TBPL1: variants seen among roughly 807,000 people sequenced by gnomAD.
The protein encoded by TBPL1 is TATA-box binding protein like 1.
In TBPL1, 4 loss-of-function variants were observed where a neutral mutation model predicts 22.1. The ratio of observed to expected loss-of-function variants is 0.18; its 90% CI spans 0.09 to 0.41. The LOEUF (loss-of-function observed/expected upper bound fraction) is 0.41. Among genes scored for constraint, TBPL1 ranks in the 10% least tolerant of loss-of-function variants. The pLI, the probability that TBPL1 is intolerant of heterozygous loss-of-function variation, is 1.00. For synonymous variants in TBPL1, 64 were observed against 71.0 expected, an observed-to-expected ratio of 0.90 and a Z score of 0.50; for missense variants, 115 against 222.3, an observed-to-expected ratio of 0.52 and a Z score of 3.07.
chr6:133,988,174 C>T lies in TBPL1; in HGVS notation c.*1134C>T, dbSNP rs118004011. ...CATTTTGTGTGATACTGTCCTTCCC[C>T]TTGCTGTATCTTATTTAATGGAGTT... On this transcript the variant is annotated 3_prime_UTR_variant, in exon 7 of 7. Transcript: ENST00000237264. 7.9e-5 allele frequency: 12 copies of T among 152,302 alleles called. No homozygotes were observed. In the East Asian group the frequency reaches 2.1e-3, roughly 27 times the overall value. 9.4% of individuals were successfully genotyped at this position (152,302 alleles called of 1,614,324 possible).
At chr6:133,953,704 C>T (rs9493771) in intron 1 of TBPL1, among the ~76,000 whole-genome samples, 21,827 of 151,970 alleles carry the variant, frequency 0.14, 2,012 homozygotes, top group African/African-American at 0.27. Context: ...GGGAGCGTTA[C>T]CGAGCCTGGT....
upstream of TBPL1, among the ~76,000 whole-genome samples, chr6:133,952,937 TA>T: frequency 6.6e-6 from 1 of 152,144 alleles, no homozygotes. This position sits in a 1 kb window ranked among gnomAD's most constrained non-coding sequence, Gnocchi z 4.5. Context: ...AAGCGGTTCT[TA>T]AACAAAAAAG....
chr6:133,972,088 A>T (rs1776231935), intron 1 of TBPL1, among the ~76,000 whole-genome samples: 1 of 152,246 alleles, frequency 6.6e-6, no homozygotes, highest in African/African-American at 2.4e-5. Flanking sequence ...GATTCCAGAC[A>T]TCAAGAGTCA....
chr6:133,974,498 TGATTTTTG>T (rs1199821060), intron 1 of TBPL1, among the ~76,000 whole-genome samples: 2 of 152,210 alleles, frequency 1.3e-5, no homozygotes, highest in Non-Finnish European at 2.9e-5. Context: ...CACGCCCGGC[TGATTTTTG>T]TATTTTTAGA....
intron 4 of TBPL1, 116 bp downstream of exon 4, chr6:133,982,996 T>C: frequency 5.1e-6 from 5 of 984,666 alleles, no homozygotes; most frequent in Non-Finnish European, 7.1e-6. Context: ...GATTAAACTT[T>C]TTCTAGGTTT....
chr6:133,979,709 C>T (rs1776375493), intron 1 of TBPL1, among the ~76,000 whole-genome samples: 1 of 151,896 alleles, frequency 6.6e-6, no homozygotes, highest in African/African-American at 2.4e-5. Context: ...TGCAGTGGTA[C>T]GATCTCGGCT....
At chr6:133,977,489 G>A (rs1776335237) in intron 1 of TBPL1, among the ~76,000 whole-genome samples, 1 of 152,072 alleles carries the variant, frequency 6.6e-6, no homozygotes, top group Admixed American at 6.5e-5. Flanking sequence ...AGAACTCAAA[G>A]TAGTAAATTC....
intron 1 of TBPL1, among the ~76,000 whole-genome samples, chr6:133,960,545 A>G (rs979681319): frequency 6.6e-6 from 1 of 151,918 alleles, no homozygotes; most frequent in Non-Finnish European, 1.5e-5. Context: ...TTGTCTGTAC[A>G]TTTAGAATGC....
At chr6:133,978,760 A>C (rs558410854) in intron 1 of TBPL1, among the ~76,000 whole-genome samples, 1 of 152,224 alleles carries the variant, frequency 6.6e-6, no homozygotes, top group South Asian at 2.1e-4. Flanking sequence ...ACTGTGTTCT[A>C]TCAGAAACTT....
At position 133,963,880 on chromosome 6, in the gene TBPL1, A is replaced by C. The variant is rs1277196930; in HGVS notation, c.-45+10455A>C. On this transcript the variant is annotated intron_variant, in intron 1 of 6. Transcript: ENST00000237264. ...GCCGTCTCTACTAAAAATACAAAAA[A>C]AAAAAAAAAAATTAGCCAGGCGTGG... 5.3e-5 allele frequency among the ~76,000 whole-genome samples: 8 copies of C among 151,618 alleles called. No individual in the cohort carries two copies. In the South Asian group the frequency reaches 6.2e-4, roughly 12 times the overall value.
chr6:133,971,147 T>C (rs1303565812), intron 1 of TBPL1, among the ~76,000 whole-genome samples: 1 of 136,972 alleles, frequency 7.3e-6, no homozygotes, highest in Non-Finnish European at 1.6e-5. Context: ...ATGATAACAC[T>C]TTTTTTTTTT....
intron 1 of TBPL1, among the ~76,000 whole-genome samples, chr6:133,956,608 T>A (rs182005297): frequency 3.7e-4 from 57 of 152,320 alleles, no homozygotes; most frequent in African/African-American, 1.1e-3. Flanking sequence ...ATTTTGAAGA[T>A]TACGTTGTTA....
chr6:133,958,684 C>T (rs147937549), intron 1 of TBPL1, among the ~76,000 whole-genome samples: 1 of 152,166 alleles, frequency 6.6e-6, no homozygotes, highest in Admixed American at 6.5e-5. Flanking sequence ...AAGTGAATTG[C>T]AGACTGTTCT....
At chr6:133,973,246 C>T (rs983514733) in intron 1 of TBPL1, among the ~76,000 whole-genome samples, 2 of 152,110 alleles carry the variant, frequency 1.3e-5, no homozygotes, top group African/African-American at 4.8e-5. Flanking sequence ...CATGTGGGTT[C>T]CTATTGTGTT....
chr6:133,980,995 G>A (rs1418092552), intron 2 of TBPL1, among the ~76,000 whole-genome samples: 3 of 126,084 alleles, frequency 2.4e-5, no homozygotes, highest in African/African-American at 9.1e-5. Context: ...TTGAGACGGA[G>A]TCTCACTCTT....
chr6:133,976,806 G>A (rs1049394957), intron 1 of TBPL1, among the ~76,000 whole-genome samples: 4 of 151,978 alleles, frequency 2.6e-5, no homozygotes, highest in African/African-American at 4.8e-5. Context: ...GGCCAAGATG[G>A]TGAAACCCTG....
chr6:133,971,486 C>G (rs149568726), intron 1 of TBPL1, among the ~76,000 whole-genome samples: 1 of 152,238 alleles, frequency 6.6e-6, no homozygotes, highest in Non-Finnish European at 1.5e-5. Flanking sequence ...TGAGGAACTT[C>G]TATACTGTTT....
chr6:133,976,800 A>C (rs968345645), intron 1 of TBPL1, among the ~76,000 whole-genome samples: 60 of 152,064 alleles, frequency 3.9e-4, no homozygotes, highest in Non-Finnish European at 3.2e-4. Context: ...CAACCTGGCC[A>C]AGATGGTGAA....
rs1562668491 is a variant in TBPL1, at chr6:133,985,291, AAAAAAAATATATATATATATATATATAT to A, written c.481+622_481+649del. Among the ~76,000 whole-genome samples, 7 of 66,222 alleles carry A rather than the reference AAAAAAAATATATATATATATATATATAT, an allele frequency of 1.1e-4. 1 individual carries two copies. Among genetic ancestry groups the A allele is most frequent in the Non-Finnish European group, 1.9e-4 (6 of 32,042 alleles). The allele number at this position is 66,222 out of a possible 152,430, so 43.4% of individuals were successfully genotyped here. On this transcript the variant is annotated intron_variant, in intron 6 of 6. Coordinates refer to ENST00000237264, the MANE Select transcript of TBPL1 (RefSeq NM_004865.4). Reference sequence around the variant, plus strand: ...AGACTCTGTCTAAAAAAAAAAAAAAAAAAAAAATATATATATATATATATATATATATATATATATATATATACACACA... The same window carrying A: ...AGACTCTGTCTAAAAAAAAAAAAAAAATATATATATATATATATACACACA...
Sources: allele counts gnomAD v4.1 joint callset (sites outside exome capture counted in the v4.1 genomes callset), GRCh38; gene constraint gnomAD v4.1.1; non-coding constraint Gnocchi (gnomAD v3.1); transcripts MANE v1.5; gene names NCBI Gene and HGNC (gene_info 2026-07-23, HGNC 2026-07-21).